The following CCDC6 variants were observed in gnomAD, a reference collection of about 807,000 sequenced individuals.
CCDC6 encodes coiled-coil domain-containing protein 6.
A neutral mutation model predicts 56.6 loss-of-function variants in CCDC6; 20 were observed. That is an observed-to-expected ratio of 0.35 (90% CI 0.25 to 0.51). The LOEUF (loss-of-function observed/expected upper bound fraction) is 0.51, where lower values mean the gene tolerates loss of function less well. Ranked by LOEUF, CCDC6 falls within the 20% of genes least tolerant of loss-of-function variation. CCDC6 has a pLI of 0.95. For synonymous variants in CCDC6, 241 were observed against 234.4 expected, an observed-to-expected ratio of 1.03 and a Z score of -0.26; for missense variants, 367 against 601.1, an observed-to-expected ratio of 0.61 and a Z score of 4.07.
chr10:59,812,216 T>C (rs1353884366), intron 5 of CCDC6, among the ~76,000 whole-genome samples: 1 of 152,196 alleles, frequency 6.6e-6, no homozygotes, highest in Non-Finnish European at 1.5e-5. Context: ...GCATTTACTC[T>C]TCAAATAGCA....
intron 6 of CCDC6, 54 bp from the exon 7 acceptor site, chr10:59,804,574 G>A: frequency 1.0e-6 from 1 of 988,034 alleles, no homozygotes; most frequent in East Asian, 2.4e-5. Flanking sequence ...ATAGGCCTTA[G>A]GAGAGTTTTT....
chr10:59,872,953 T>C (rs2071244238), intron 1 of CCDC6, among the ~76,000 whole-genome samples: 1 of 152,198 alleles, frequency 6.6e-6, no homozygotes. Context: ...AACCGAAAGC[T>C]ACATTTGGCA....
At chr10:59,848,041 A>G (rs1237132971) in intron 2 of CCDC6, among the ~76,000 whole-genome samples, 1 of 151,946 alleles carries the variant, frequency 6.6e-6, no homozygotes, top group Non-Finnish European at 1.5e-5. Flanking sequence ...GTTAACTAGC[A>G]TTGTTTAAAT....
At chr10:59,872,915 A>G (rs1342426511) in intron 1 of CCDC6, among the ~76,000 whole-genome samples, 2 of 152,200 alleles carry the variant, frequency 1.3e-5, no homozygotes, top group Admixed American at 6.5e-5. Flanking sequence ...GATCCTTTAA[A>G]CACAATTCCA....
intron 1 of CCDC6, among the ~76,000 whole-genome samples, chr10:59,872,358 C>T (rs1684900): frequency 0.71 from 107,712 of 152,088 alleles, 38,443 homozygotes; most frequent in East Asian, 0.89. Context: ...AGTTAAGATA[C>T]GGAGACTTAA....
intron 1 of CCDC6, among the ~76,000 whole-genome samples, chr10:59,886,083 C>T (rs1308365032): frequency 6.6e-6 from 1 of 152,044 alleles, no homozygotes; most frequent in Admixed American, 6.6e-5. Context: ...GTGAGATGAA[C>T]AAAGAAGACC....
intron 1 of CCDC6, among the ~76,000 whole-genome samples, chr10:59,875,197 A>G (rs1036216918): frequency 6.6e-6 from 1 of 152,244 alleles, no homozygotes; most frequent in African/African-American, 2.4e-5. Flanking sequence ...AGAAATGACT[A>G]GAAGCACATA....
At chr10:59,875,485 G>C (rs113585446) in intron 1 of CCDC6, among the ~76,000 whole-genome samples, 1,767 of 152,200 alleles carry the variant, frequency 0.012, 10 homozygotes, top group Admixed American at 0.013. Flanking sequence ...GAGCTTCAAG[G>C]ACAAAGACCT....
chr10:59,899,914 C>T (rs1338221737), intron 1 of CCDC6, among the ~76,000 whole-genome samples: 1 of 152,180 alleles, frequency 6.6e-6, no homozygotes, highest in Non-Finnish European at 1.5e-5. Context: ...TACAATGCAT[C>T]CATTCACATA....
intron 1 of CCDC6, among the ~76,000 whole-genome samples, chr10:59,877,505 A>G (rs550798540): frequency 1.7e-4 from 26 of 152,302 alleles, no homozygotes; most frequent in African/African-American, 5.8e-4. Flanking sequence ...AAACATTTCT[A>G]TAAAAAAAAT....
chr10:59,905,865 G>T (rs2071541012), intron 1 of CCDC6, among the ~76,000 whole-genome samples: 1 of 152,188 alleles, frequency 6.6e-6, no homozygotes, highest in African/African-American at 2.4e-5. Flanking sequence ...GAGGCTAAAA[G>T]GGACCATGAA....
intron 5 of CCDC6, among the ~76,000 whole-genome samples, chr10:59,812,403 T>G (rs1256856697): frequency 6.6e-6 from 1 of 152,042 alleles, no homozygotes; most frequent in African/African-American, 2.4e-5. Flanking sequence ...GTTCCTGAAA[T>G]TACTTTAATT....
At chr10:59,795,233 G>A (rs540272920) in intron 7 of CCDC6, among the ~76,000 whole-genome samples, 16 of 152,044 alleles carry the variant, frequency 1.1e-4, no homozygotes, top group African/African-American at 2.4e-4. Flanking sequence ...GTGAATATGC[G>A]AAATACATAA....
intron 7 of CCDC6, among the ~76,000 whole-genome samples, chr10:59,798,854 G>C (rs1168061114): frequency 8.4e-6 from 1 of 118,510 alleles, no homozygotes; most frequent in African/African-American, 4.0e-5. Context: ...CTAGGTGGGC[G>C]TGGTGGTTTG....
At chr10:59,896,589 TAA>T (rs143958914) in intron 1 of CCDC6, among the ~76,000 whole-genome samples, 1 of 144,564 alleles carries the variant, frequency 6.9e-6, no homozygotes. Context: ...AGTCTTTCTT[TAA>T]AAAAAAAAAC....
At chr10:59,805,793 CATT>C (rs1264070096) in intron 6 of CCDC6, among the ~76,000 whole-genome samples, 1 of 151,930 alleles carries the variant, frequency 6.6e-6, no homozygotes, top group Non-Finnish European at 1.5e-5. Context: ...CTTTTTTTCT[CATT>C]ATAAAAATAT....
At position 59,806,944 on chromosome 10, in the gene CCDC6, T is replaced by C. The variant is rs1414116789; in HGVS notation, c.982A>G (p.Ser328Gly). The C allele has an allele frequency of 1.2e-6, 2 of 1,614,026 alleles. No individual in the cohort carries two copies. The highest frequency in any genetic ancestry group is 1.7e-6 in the Non-Finnish European group (2 of 1,179,958). The change falls in exon 6 of 9, where the codon AGC becomes GGC. Residue 328 changes from serine to glycine, a missense_variant. This residue lies in a region of CCDC6 where 81 missense variants were observed against 150.8 expected (regional missense o/e 0.54). Coordinates refer to ENST00000263102, the MANE Select transcript of CCDC6 (RefSeq NM_005436.5). ...CACCTTTCGTCGTCCATTTCTAAGCTGGACTCACTCTCGGAGAGCTGTCGA... is the reference window on the plus strand; with the variant it reads ...CACCTTTCGTCGTCCATTTCTAAGCCGGACTCACTCTCGGAGAGCTGTCGA... The part of the protein sequence containing the change: ...LCRQLSESES[S>G]LEMDDERYFN...
At chr10:59,870,215 T>C (rs1219537969) in intron 1 of CCDC6, among the ~76,000 whole-genome samples, 1 of 152,194 alleles carries the variant, frequency 6.6e-6, no homozygotes, top group Non-Finnish European at 1.5e-5. Context: ...GGTTAACATA[T>C]GGGCAACTCA....
chr10:59,871,468 T>TAAAAAAAAAAAAAAAAAAAAAAAAA, intron 1 of CCDC6, among the ~76,000 whole-genome samples: 1 of 98,492 alleles, frequency 1.0e-5, no homozygotes, highest in Non-Finnish European at 2.0e-5. Flanking sequence ...TAATACTCAT[T>TAAAAAAAAAAAAAAAAAAAAAAAAA]AAAAAAAAAA....
Sources: allele counts gnomAD v4.1 joint callset (sites outside exome capture counted in the v4.1 genomes callset), GRCh38; gene constraint gnomAD v4.1.1; regional missense constraint gnomAD v4.1.1; transcripts MANE v1.5; gene names NCBI Gene and HGNC (gene_info 2026-07-23, HGNC 2026-07-21).